GDAP1: variants seen among roughly 807,000 people sequenced by gnomAD.
The protein encoded by GDAP1 is ganglioside induced differentiation associated protein 1.
GDAP1 carries 34 observed loss-of-function variants against 40.1 expected under a neutral mutation model. The observed-to-expected ratio is 0.85, with a 90% CI of 0.64 to 1.13. The LOEUF (loss-of-function observed/expected upper bound fraction) is 1.13. Among genes scored for constraint, GDAP1 ranks in the 50% most tolerant of loss-of-function variants. The pLI, the probability that GDAP1 is intolerant of heterozygous loss-of-function variation, is 0.00. For missense variants in GDAP1, 374 were observed against 433.7 expected, an observed-to-expected ratio of 0.86 and a Z score of 1.22; for synonymous variants, 170 against 157.4, an observed-to-expected ratio of 1.08 and a Z score of -0.60.
At chr8:74,369,291 G>C (rs1162012043), downstream of GDAP1, among the ~76,000 whole-genome samples, 1 of 152,142 alleles carries the variant, frequency 6.6e-6, no homozygotes, top group East Asian at 1.9e-4. Flanking sequence ...TTGAAAAAAA[G>C]TAATAAATAG....
chr8:74,467,191 G>A (rs1460424897), intron 2 of GDAP1, among the ~76,000 whole-genome samples: 1 of 152,186 alleles, frequency 6.6e-6, no homozygotes, highest in Admixed American at 6.5e-5. Context: ...GGAAGTTTGA[G>A]GAGAAAGGAG....
At chr8:74,471,428 A>C (rs1268336495) in intron 2 of GDAP1, among the ~76,000 whole-genome samples, 1 of 141,904 alleles carries the variant, frequency 7.0e-6, no homozygotes, top group Non-Finnish European at 1.5e-5. Flanking sequence ...TCTGTTTTCT[A>C]AATCAGAGTA....
Position 74,472,005 on chromosome 8 carries a change from T to C in GDAP1, c.166-16673T>C, listed in dbSNP as rs960505944. ...CAGGTTTGTTATATAGGTAAACTCA[T>C]GTCATGAGGGTTTGTTGTACAGATT... is the stretch of plus-strand genomic sequence containing the variant. On this transcript the variant is annotated intron_variant, in intron 2 of 2. Coordinates refer to the GDAP1 transcript ENST00000523640. Among the ~76,000 whole-genome samples the C allele has an allele frequency of 1.9e-4, 29 of 152,210 alleles. 1 individual carries two copies. Among genetic ancestry groups the C allele is most frequent in the Admixed American group, 1.6e-3 (24 of 15,280 alleles).
chr8:74,412,964 G>C (rs1383782875), intron 2 of GDAP1, among the ~76,000 whole-genome samples: 1 of 146,192 alleles, frequency 6.8e-6, no homozygotes, highest in African/African-American at 2.7e-5. Context: ...CTACTTGGGA[G>C]GCTGAGGCAG....
intron 2 of GDAP1, among the ~76,000 whole-genome samples, chr8:74,447,774 G>A (rs1806250711): frequency 6.6e-6 from 1 of 152,106 alleles, no homozygotes; most frequent in Non-Finnish European, 1.5e-5. Flanking sequence ...TAGCTTTCTG[G>A]TGGTTCAATG....
At chr8:74,480,481 G>A (rs759784285) in intron 2 of GDAP1, among the ~76,000 whole-genome samples, 13 of 152,190 alleles carry the variant, frequency 8.5e-5, no homozygotes, top group Non-Finnish European at 1.6e-4. Context: ...GCAGAGAAAC[G>A]TTAAGCATCA....
intron 2 of GDAP1, among the ~76,000 whole-genome samples, chr8:74,356,716 A>ATATATATATATTTTTTTTTTTTTTT (rs375377157): frequency 1.9e-5 from 2 of 104,336 alleles, no homozygotes; most frequent in African/African-American, 8.3e-5. Flanking sequence ...ATATATATAT[A>ATATATATATATTTTTTTTTTTTTTT]TTTTTTTTTT....
Position 74,484,963 on chromosome 8 carries a change from G to C in GDAP1, c.166-3715G>C, listed in dbSNP as rs188100139. Among the ~76,000 whole-genome samples, 433 of 152,070 alleles carry C rather than the reference G, an allele frequency of 2.8e-3. 1 individual carries two copies. Among genetic ancestry groups the C allele is most frequent in the Non-Finnish European group, 5.0e-3 (339 of 67,984 alleles). On this transcript the variant is annotated intron_variant, in intron 2 of 2. Coordinates refer to the GDAP1 transcript ENST00000523640. Reference sequence around the variant, plus strand: ...AACCATTGCCCAAAGTCTCTTTTCAGCCATTCTCAGATTTTCCAAGTTTAT... The same window carrying C: ...AACCATTGCCCAAAGTCTCTTTTCACCCATTCTCAGATTTTCCAAGTTTAT...
At chr8:74,362,912 T>C (rs1012447756) in intron 4 of GDAP1, 27 bp from the exon 5 acceptor site, 1 of 968,800 alleles carries the variant, frequency 1.0e-6, no homozygotes, top group African/African-American at 1.6e-5. Flanking sequence ...ATAATATGTT[T>C]GGTTTCTTTT....
chr8:74,441,684 G>A (rs1230869079), intron 2 of GDAP1, among the ~76,000 whole-genome samples: 1 of 152,108 alleles, frequency 6.6e-6, no homozygotes, highest in Non-Finnish European at 1.5e-5. Context: ...AAGTTGAAAT[G>A]ATCCGTAATA....
At chr8:74,396,791 T>C (rs1249209726) in intron 2 of GDAP1, among the ~76,000 whole-genome samples, 6 of 152,220 alleles carry the variant, frequency 3.9e-5, no homozygotes, top group African/African-American at 1.2e-4. Context: ...GTCTTTGCTA[T>C]TGTGAATAGT....
intron 2 of GDAP1, among the ~76,000 whole-genome samples, chr8:74,437,126 C>A (rs997369551): frequency 6.6e-6 from 1 of 152,162 alleles, no homozygotes; most frequent in African/African-American, 2.4e-5. Flanking sequence ...CCAAATTATA[C>A]GTTCATGCCT....
intron 2 of GDAP1, among the ~76,000 whole-genome samples, chr8:74,480,877 T>G (rs2128721579): frequency 6.6e-6 from 1 of 152,300 alleles, no homozygotes; most frequent in East Asian, 1.9e-4. Flanking sequence ...TTTTAAGCCA[T>G]TCAGGTAATG....
chr8:74,405,145 A>G (rs1265417613), intron 2 of GDAP1, among the ~76,000 whole-genome samples: 1 of 150,032 alleles, frequency 6.7e-6, no homozygotes, highest in Non-Finnish European at 1.5e-5. Flanking sequence ...GAAGAGCAAA[A>G]GGACGTCATA....
At chr8:74,363,498 A>C (rs1364008505) in intron 5 of GDAP1, among the ~76,000 whole-genome samples, 1 of 152,248 alleles carries the variant, frequency 6.6e-6, no homozygotes, top group Non-Finnish European at 1.5e-5. Flanking sequence ...AGGTGTATAC[A>C]CATGGGCCAT....
intron 2 of GDAP1, among the ~76,000 whole-genome samples, chr8:74,401,452 G>A (rs545226238): frequency 1.4e-4 from 21 of 149,662 alleles, no homozygotes; most frequent in East Asian, 1.2e-3. Flanking sequence ...TTATACATTC[G>A]TCTCTATTTT....
rs2131522973 is a variant in GDAP1 at position 74,364,507 on chromosome 8, A to AC, written c.*141dup. ...TCAGAAGTCATCTTTGTTACACAACACAGGGGTTCAGGTAGCAATAGGACA... is the reference window on the plus strand; with the variant it reads ...TCAGAAGTCATCTTTGTTACACAACACCAGGGGTTCAGGTAGCAATAGGACA... On this transcript the variant is annotated 3_prime_UTR_variant, in exon 6 of 6. Transcript: ENST00000220822. 1.1e-6 allele frequency: 1 copy of AC among 876,974 alleles called. No individual in the cohort carries two copies. The highest frequency in any genetic ancestry group is 1.9e-5 in the Admixed American group (1 of 53,164). 54.3% of individuals were successfully genotyped at this position (876,974 alleles called of 1,614,324 possible).
chr8:74,405,173 G>A (rs922495519), intron 2 of GDAP1, among the ~76,000 whole-genome samples: 1 of 149,872 alleles, frequency 6.7e-6, no homozygotes, highest in African/African-American at 2.6e-5. Flanking sequence ...GCAGGTAAGA[G>A]AGCTTGTGCA....
intron 2 of GDAP1, among the ~76,000 whole-genome samples, chr8:74,428,513 AG>A (rs1220412006): frequency 6.7e-6 from 1 of 148,934 alleles, no homozygotes; most frequent in East Asian, 2.0e-4. Context: ...TCTGTTGCCC[AG>A]GCAGAGCAGT....
Sources: gnomAD v4.1 joint callset for allele counts (sites outside exome capture counted in the v4.1 genomes callset) on GRCh38, gnomAD v4.1.1 for gene constraint, MANE v1.5 for transcripts, NCBI Gene and HGNC (gene_info 2026-07-23, HGNC 2026-07-21) for gene names.